Variants in CNTNAP2 observed in about 807,000 individuals in gnomAD.
CNTNAP2 encodes contactin associated protein 2.
A neutral mutation model predicts 155.2 loss-of-function variants in CNTNAP2; 98 were observed. The ratio of observed to expected loss-of-function variants is 0.63; its 90% CI spans 0.54 to 0.75. The LOEUF is 0.75. Among genes scored for constraint, CNTNAP2 ranks in the 30% least tolerant of loss-of-function variants. The pLI is 0.00. For missense variants in CNTNAP2, 1,727 were observed against 1,688.1 expected, an observed-to-expected ratio of 1.02 and a Z score of -0.40; for synonymous variants, 651 against 631.2, an observed-to-expected ratio of 1.03 and a Z score of -0.47.
intron 3 of CNTNAP2, among the ~76,000 whole-genome samples, chr7:146,870,669 T>C (rs545695249): frequency 6.6e-6 from 1 of 152,302 alleles, no homozygotes; most frequent in East Asian, 1.9e-4. Context: ...AGATACTATG[T>C]TAAATGTTCT....
At chr7:146,429,729 G>C (rs1796145736) in intron 1 of CNTNAP2, among the ~76,000 whole-genome samples, 1 of 152,044 alleles carries the variant, frequency 6.6e-6, no homozygotes, top group Non-Finnish European at 1.5e-5. Flanking sequence ...TCTTTACCTT[G>C]CCTGACTGTT....
intron 1 of CNTNAP2, among the ~76,000 whole-genome samples, chr7:146,664,406 C>G (rs1800150801): frequency 6.6e-6 from 1 of 151,978 alleles, no homozygotes; most frequent in Admixed American, 6.6e-5. Context: ...AACAATCTGC[C>G]CATCTCAGCC....
At chr7:146,475,637 C>A (rs10260681) in intron 1 of CNTNAP2, among the ~76,000 whole-genome samples, 28,682 of 151,972 alleles carry the variant, frequency 0.19, 3,946 homozygotes, top group African/African-American at 0.39. Context: ...CCAAGATTGA[C>A]AGACTGAAAA....
intron 1 of CNTNAP2, among the ~76,000 whole-genome samples, chr7:146,192,776 T>G (rs1798725334): frequency 6.6e-6 from 1 of 152,198 alleles, no homozygotes; most frequent in Admixed American, 6.5e-5. Context: ...TTGCAAAGCC[T>G]TAACATATTT....
chr7:148,171,799 C>T (rs890869195), intron 17 of CNTNAP2, among the ~76,000 whole-genome samples: 5 of 152,208 alleles, frequency 3.3e-5, no homozygotes, highest in Non-Finnish European at 5.9e-5. Flanking sequence ...ACATTTCAAA[C>T]GGATTTATGT....
chr7:147,779,195 T>A (rs1463812503), intron 13 of CNTNAP2, among the ~76,000 whole-genome samples: 2 of 152,224 alleles, frequency 1.3e-5, no homozygotes, highest in African/African-American at 2.4e-5. Flanking sequence ...TCAGAACCAT[T>A]ATGCATCCTC....
chr7:148,169,981 A>G (rs1032192685), intron 17 of CNTNAP2, among the ~76,000 whole-genome samples: 1 of 152,104 alleles, frequency 6.6e-6, no homozygotes, highest in African/African-American at 2.4e-5. Flanking sequence ...GTTTCATGAT[A>G]TGTTAAGTGC....
intron 8 of CNTNAP2, among the ~76,000 whole-genome samples, chr7:147,194,765 G>T (rs548517896): frequency 3.9e-5 from 6 of 152,248 alleles, no homozygotes; most frequent in African/African-American, 9.6e-5. Flanking sequence ...TTTTGATGGG[G>T]TTGTTTGTTT....
intron 13 of CNTNAP2, among the ~76,000 whole-genome samples, chr7:147,891,807 CT>C (rs747975077): frequency 3.4e-4 from 51 of 152,186 alleles, no homozygotes; most frequent in African/African-American, 1.2e-3. Context: ...ATAGCCCCCC[CT>C]ACCATTCTTT....
At chr7:147,627,028 C>T (rs538826170) in intron 12 of CNTNAP2, among the ~76,000 whole-genome samples, 45 of 152,212 alleles carry the variant, frequency 3.0e-4, no homozygotes, top group African/African-American at 1.0e-3. Context: ...AGTCTAGAGC[C>T]TGGTAGCCCA....
intron 1 of CNTNAP2, among the ~76,000 whole-genome samples, chr7:146,422,134 T>A (rs1796021256): frequency 6.6e-6 from 1 of 151,506 alleles, no homozygotes; most frequent in Admixed American, 6.6e-5. Context: ...ACAAATGTTT[T>A]TTTTTACATG....
At chr7:146,971,448 CA>C (rs1797797188) in intron 3 of CNTNAP2, among the ~76,000 whole-genome samples, 1 of 152,088 alleles carries the variant, frequency 6.6e-6, no homozygotes, top group Non-Finnish European at 1.5e-5. Flanking sequence ...GAGAAAAATG[CA>C]GAGGAAATAG....
At chr7:148,364,096 C>A (rs1364983054) in intron 21 of CNTNAP2, among the ~76,000 whole-genome samples, 1 of 152,224 alleles carries the variant, frequency 6.6e-6, no homozygotes, top group Non-Finnish European at 1.5e-5. Flanking sequence ...CTCCCACCCA[C>A]TCCATGGGCT....
intron 4 of CNTNAP2, among the ~76,000 whole-genome samples, chr7:147,095,601 G>T: frequency 6.6e-6 from 1 of 151,684 alleles, no homozygotes; most frequent in African/African-American, 2.4e-5. Flanking sequence ...TTGTTTCATT[G>T]TCTTTCATTG....
intron 16 of CNTNAP2, among the ~76,000 whole-genome samples, chr7:148,147,118 C>T (rs1805198457): frequency 6.6e-6 from 1 of 152,142 alleles, no homozygotes; most frequent in African/African-American, 2.4e-5. Context: ...GCTCTGAAAT[C>T]TGACAAACCT....
chr7:147,463,336 T>A (rs1798057929), intron 10 of CNTNAP2, among the ~76,000 whole-genome samples: 1 of 152,238 alleles, frequency 6.6e-6, no homozygotes, highest in East Asian at 1.9e-4. Context: ...CTTTTTTGAT[T>A]CTTTTTGGGC....
At chr7:146,889,097 A>C (rs1795729367) in intron 3 of CNTNAP2, among the ~76,000 whole-genome samples, 1 of 152,132 alleles carries the variant, frequency 6.6e-6, no homozygotes, top group Non-Finnish European at 1.5e-5. Flanking sequence ...TGATGGTTTC[A>C]CCAGCACACT....
intron 1 of CNTNAP2, among the ~76,000 whole-genome samples, chr7:146,765,163 CAAAA>C (rs989368417): frequency 6.6e-6 from 1 of 152,094 alleles, no homozygotes; most frequent in Admixed American, 6.5e-5. Flanking sequence ...TTTCAAGTCT[CAAAA>C]AACTCATTTG....
intron 21 of CNTNAP2, among the ~76,000 whole-genome samples, chr7:148,355,166 C>CGTTTTT (rs1798489905): frequency 2.4e-5 from 1 of 41,022 alleles, no homozygotes; most frequent in Non-Finnish European, 4.1e-5. Context: ...CCGCCAGCTG[C>CGTTTTT]TTTTTTTTTT....
Sources: gnomAD v4.1 joint callset for allele counts (sites outside exome capture counted in the v4.1 genomes callset) on GRCh38, gnomAD v4.1.1 for gene constraint, MANE v1.5 for transcripts, NCBI Gene and HGNC (gene_info 2026-07-23, HGNC 2026-07-21) for gene names.